Variants in CADM1 observed in about 807,000 individuals in gnomAD.
CADM1 encodes the protein cell adhesion molecule 1, also known as TSLC-1.
CADM1 carries 15 observed loss-of-function variants against 53.1 expected under a neutral mutation model. The ratio of observed to expected loss-of-function variants is 0.28; its 90% CI spans 0.19 to 0.44. The LOEUF (loss-of-function observed/expected upper bound fraction) is 0.44, where lower values mean the gene tolerates loss of function less well. CADM1 is among the 20% of genes least tolerant of loss of function. CADM1 has a pLI of 1.00. For synonymous variants in CADM1, 281 were observed against 243.0 expected, an observed-to-expected ratio of 1.16 and a Z score of -1.45; for missense variants, 434 against 611.3, an observed-to-expected ratio of 0.71 and a Z score of 3.06.
intron 1 of CADM1, among the ~76,000 whole-genome samples, chr11:115,298,018 A>T (rs1944124421): frequency 6.6e-6 from 1 of 152,206 alleles, no homozygotes; most frequent in Non-Finnish European, 1.5e-5. Flanking sequence ...CTCTCATCAC[A>T]CAGAGGCAGA....
In CADM1 at chr11:115,214,672, T is replaced by A; in HGVS notation, c.930A>T (p.Thr310=). Residue 310 remains threonine, a synonymous_variant, in exon 7 of 12, where the codon ACA becomes ACT. Transcript: ENST00000331581. ...INNLNKTDNG[T]YRCEASNIVG... ...CTATGTTTGAAGCTTCACAGCGGTA[T>A]GTACCATTATCTGTTTTGTTTAGGT... 1 of 1,614,100 alleles carries A rather than the reference T, an allele frequency of 6.2e-7. No individual in the cohort carries two copies. The highest frequency in any genetic ancestry group is 8.5e-7 in the Non-Finnish European group (1 of 1,179,946).
intron 1 of CADM1, among the ~76,000 whole-genome samples, chr11:115,466,180 ATCG>A (rs913968223): frequency 1.3e-5 from 2 of 152,204 alleles, no homozygotes; most frequent in African/African-American, 4.8e-5. Context: ...GACTTGTAGC[ATCG>A]TAAGTCTGCA....
intron 1 of CADM1, among the ~76,000 whole-genome samples, chr11:115,452,430 A>G (rs1948594809): frequency 6.6e-6 from 1 of 152,242 alleles, no homozygotes; most frequent in Non-Finnish European, 1.5e-5. Flanking sequence ...CCAGATCAGA[A>G]GCGTTTTAAT....
At chr11:115,376,419 G>A (rs983829878) in intron 1 of CADM1, among the ~76,000 whole-genome samples, 1 of 152,094 alleles carries the variant, frequency 6.6e-6, no homozygotes, top group African/African-American at 2.4e-5. Context: ...TTTAAGATTA[G>A]AGGATGTTTC....
intron 10 of CADM1, among the ~76,000 whole-genome samples, chr11:115,184,674 G>A (rs967997701): frequency 5.9e-5 from 9 of 152,138 alleles, no homozygotes; most frequent in Non-Finnish European, 1.0e-4. Context: ...ACTACTACAC[G>A]TCAGCTGCAT....
intron 1 of CADM1, among the ~76,000 whole-genome samples, chr11:115,328,708 A>ACG (rs1945040472): frequency 2.6e-5 from 3 of 116,056 alleles, no homozygotes; most frequent in African/African-American, 9.5e-5. Flanking sequence ...ATATGTATAT[A>ACG]TATATGTGTA....
chr11:115,253,267 C>T (rs1317313184), intron 1 of CADM1, among the ~76,000 whole-genome samples: 1 of 152,170 alleles, frequency 6.6e-6, no homozygotes, highest in East Asian at 1.9e-4. Context: ...CTGTTTCCCT[C>T]GAATGCTGGC....
chr11:115,417,777 A>C (rs1292600334), intron 1 of CADM1, among the ~76,000 whole-genome samples: 2 of 152,184 alleles, frequency 1.3e-5, no homozygotes, highest in Non-Finnish European at 1.5e-5. Flanking sequence ...TTTCTATTTA[A>C]TCTTTTTGGA....
chr11:115,332,412 G>C (rs892783862), intron 1 of CADM1, among the ~76,000 whole-genome samples: 1 of 152,188 alleles, frequency 6.6e-6, no homozygotes, highest in Non-Finnish European at 1.5e-5. Flanking sequence ...GGTCATTTTA[G>C]TTGAGGGATT....
At chr11:115,476,464 G>A (rs1429504629) in intron 1 of CADM1, among the ~76,000 whole-genome samples, 2 of 152,126 alleles carry the variant, frequency 1.3e-5, no homozygotes, top group Middle Eastern at 3.2e-3. Flanking sequence ...TCTTAACTTA[G>A]AGGTGGAAAC....
At chr11:115,370,096 A>G (rs55685802) in intron 1 of CADM1, among the ~76,000 whole-genome samples, 2,166 of 152,342 alleles carry the variant, frequency 0.014, 40 homozygotes, top group African/African-American at 0.043. Context: ...GTGAAACTAA[A>G]TAAGTTCTTG....
At chr11:115,283,263 G>T (rs1019070210) in intron 1 of CADM1, among the ~76,000 whole-genome samples, 3 of 152,160 alleles carry the variant, frequency 2.0e-5, no homozygotes, top group Admixed American at 6.5e-5. Context: ...TGCCTGGAGA[G>T]CCTGAAGTAT....
chr11:115,184,318 CACA>C lies in CADM1; in HGVS notation c.1166-5546_1166-5544del, dbSNP rs1939443845. ...AAAAATAAGTGTGCATTTTAAAAAG[CACA>C]ACTTTATTACTGAAGGGGAACAAAC... is the stretch of plus-strand genomic sequence containing the variant. On this transcript the variant is annotated intron_variant, in intron 10 of 11. Transcript: ENST00000331581. 2.0e-5 allele frequency among the ~76,000 whole-genome samples: 3 copies of C among 152,276 alleles called. No individual in the cohort carries two copies. In the East Asian group the frequency reaches 5.8e-4, roughly 29 times the overall value.
chr11:115,388,337 T>A (rs1441177658), intron 1 of CADM1, among the ~76,000 whole-genome samples: 1 of 152,014 alleles, frequency 6.6e-6, no homozygotes, highest in Non-Finnish European at 1.5e-5. Context: ...GTTGATGAAG[T>A]GTTATAGTTG....
At chr11:115,323,752 G>A (rs536466459) in intron 1 of CADM1, among the ~76,000 whole-genome samples, 3 of 152,206 alleles carry the variant, frequency 2.0e-5, no homozygotes, top group Admixed American at 6.5e-5. Flanking sequence ...CTAGGACAGT[G>A]GATGATTATA....
chr11:115,379,172 T>C lies in CADM1; in HGVS notation c.124+125099A>G, dbSNP rs146994110. Among the ~76,000 whole-genome samples, 771 of 152,354 alleles carry C rather than the reference T, an allele frequency of 5.1e-3. 10 individuals are homozygous for C. Among genetic ancestry groups the C allele is most frequent in the African/African-American group, 0.018 (740 of 41,592 alleles). On this transcript the variant is annotated intron_variant, in intron 1 of 11. Coordinates refer to ENST00000331581, the MANE Select transcript of CADM1 (RefSeq NM_001301043.2). Reference sequence around the variant, plus strand: ...ATGGCTGCACAAGCCATGTTTCTATTAGCCAGGTCTTATTTGATTTAGCAG... The same window carrying C: ...ATGGCTGCACAAGCCATGTTTCTATCAGCCAGGTCTTATTTGATTTAGCAG...
At chr11:115,358,278 T>C (rs1237577385) in intron 1 of CADM1, among the ~76,000 whole-genome samples, 1 of 152,172 alleles carries the variant, frequency 6.6e-6, no homozygotes, top group Non-Finnish European at 1.5e-5. Context: ...AGTATTGTAT[T>C]AGCCCATTTT....
intron 1 of CADM1, among the ~76,000 whole-genome samples, chr11:115,248,073 C>T (rs1942464634): frequency 3.3e-5 from 5 of 152,206 alleles, no homozygotes. Context: ...CCAAAGGTGA[C>T]CAGAGTCTTG....
At position 115,212,673 on chromosome 11, in the gene CADM1, T is replaced by C. The variant is rs527275373; in HGVS notation, c.994+1935A>G. Among the ~76,000 whole-genome samples the C allele has an allele frequency of 1.3e-4, 20 of 152,314 alleles. No individual in the cohort carries two copies. In the South Asian group the frequency reaches 4.1e-3, roughly 32 times the overall value. On this transcript the variant is annotated intron_variant, in intron 7 of 11. Transcript: ENST00000331581. ...GGAAAGCAGTGAGAATAAGAGAATA[T>C]ACAAAGAAAGACATACTTTGTTGTG...
Sources: allele counts gnomAD v4.1 joint callset (sites outside exome capture counted in the v4.1 genomes callset), GRCh38; gene constraint gnomAD v4.1.1; transcripts MANE v1.5; gene names NCBI Gene and HGNC (gene_info 2026-07-23, HGNC 2026-07-21).